Variants in OSBPL10 observed in about 807,000 individuals in gnomAD.
OSBPL10 encodes the protein oxysterol binding protein like 10.
OSBPL10 carries 49 observed loss-of-function variants against 81.7 expected under a neutral mutation model. The observed-to-expected ratio is 0.60, with a 90% confidence interval of 0.48 to 0.76. OSBPL10 has a LOEUF of 0.76. Ranked by LOEUF, OSBPL10 falls within the 30% of genes least tolerant of loss-of-function variation. The pLI is 0.00. For missense variants in OSBPL10, 923 were observed against 987.8 expected (o/e 0.93, Z 0.88); for synonymous variants, 419 against 383.6 (o/e 1.09, Z -1.08).
chr3:32,001,079 G>C (rs936901266), intron 2 of OSBPL10, among the ~76,000 whole-genome samples: 1 of 152,198 alleles, frequency 6.6e-6, no homozygotes, highest in Non-Finnish European at 1.5e-5. Flanking sequence ...TGAGAGATGA[G>C]TGAAGGCATC....
At chr3:31,872,166 A>G (rs1346608113) in intron 3 of OSBPL10, among the ~76,000 whole-genome samples, 1 of 152,212 alleles carries the variant, frequency 6.6e-6, no homozygotes, top group Non-Finnish European at 1.5e-5. Context: ...CCTATGTGAC[A>G]TGGAGAAAAG....
intron 4 of OSBPL10, among the ~76,000 whole-genome samples, chr3:31,769,270 C>T (rs58994026): frequency 0.69 from 103,753 of 150,904 alleles, 36,802 homozygotes; most frequent in East Asian, 0.8. Context: ...TGGAGAAACC[C>T]CGTCTCTACT....
rs57256301 is a variant in OSBPL10 at position 31,930,003 on chromosome 3, C to CAAAAAAAAA, written c.282-50182_282-50174dup. Among the ~76,000 whole-genome samples, 38 of 72,542 alleles carry CAAAAAAAAA rather than the reference C, an allele frequency of 5.2e-4. 4 individuals carry two copies. The highest frequency in any genetic ancestry group is 5.9e-4 in the African/African-American group (11 of 18,742). The allele number at this position is 72,542 out of a possible 152,430, so 47.6% of individuals were successfully genotyped here. A position where few individuals can be genotyped will look rare whatever the true frequency, so the allele number is the denominator to read the frequency against. ...GATCAAGTGAGACCCTGTCACCAAC[C>CAAAAAAAAA]AAAAAAAAAAAAAAAAAAAAAAACA... On this transcript the variant is annotated intron_variant, in intron 1 of 11. Coordinates refer to ENST00000396556, the MANE Select transcript of OSBPL10 (RefSeq NM_017784.5).
At chr3:31,762,630 A>ATTTTTTTTTTT (rs56311731) in intron 4 of OSBPL10, among the ~76,000 whole-genome samples, 1,811 of 61,366 alleles carry the variant, frequency 0.03, 509 homozygotes, top group African/African-American at 0.14. Flanking sequence ...CATGCCCAGC[A>ATTTTTTTTTTT]TTTTTTTTTT....
intron 7 of OSBPL10, among the ~76,000 whole-genome samples, chr3:31,697,978 G>C (rs1173100306): frequency 6.6e-6 from 1 of 151,828 alleles, no homozygotes; most frequent in Non-Finnish European, 1.5e-5. Flanking sequence ...TGGCCAGGCT[G>C]GTCTCGAACT....
intron 2 of OSBPL10, among the ~76,000 whole-genome samples, chr3:32,020,337 A>T (rs1699349497): frequency 1.3e-5 from 2 of 152,150 alleles, no homozygotes; most frequent in Admixed American, 1.3e-4. Context: ...GGTTAGCCTG[A>T]TCTGCTTTCT....
At chr3:31,948,176 T>C (rs1285094364) in intron 1 of OSBPL10, among the ~76,000 whole-genome samples, 8 of 152,066 alleles carry the variant, frequency 5.3e-5, no homozygotes, top group Non-Finnish European at 1.2e-4. Flanking sequence ...CCTGACCCAG[T>C]AAAGGGGATC....
chr3:31,842,885 G>A (rs1201589556), intron 3 of OSBPL10, among the ~76,000 whole-genome samples: 3 of 152,204 alleles, frequency 2.0e-5, no homozygotes, highest in Admixed American at 2.0e-4. Flanking sequence ...GAGCCAGGCT[G>A]AGAATACGTT....
intron 1 of OSBPL10, among the ~76,000 whole-genome samples, chr3:32,055,560 T>C (rs58237698): frequency 0.11 from 17,018 of 152,268 alleles, 955 homozygotes; most frequent in Non-Finnish European, 0.13. Flanking sequence ...CCACTTGATT[T>C]CTCTAAAATT....
chr3:31,765,386 G>A lies in OSBPL10; in HGVS notation c.730-17266C>T, dbSNP rs190382793. 1.5e-4 allele frequency among the ~76,000 whole-genome samples: 23 copies of A among 152,142 alleles called. No homozygotes were observed. The East Asian group carries it at 3.9e-3, about 26-fold the overall frequency. ...TTGTTAATTTCTCTTGCCCTTACCA[G>A]GCTCTCGGTGCCACTTTGTCTCTTC... is the stretch of plus-strand genomic sequence containing the variant. On this transcript the variant is annotated intron_variant, in intron 4 of 11. Transcript: ENST00000396556.
At chr3:31,817,837 A>G (rs1699882035) in intron 4 of OSBPL10, among the ~76,000 whole-genome samples, 2 of 152,204 alleles carry the variant, frequency 1.3e-5, no homozygotes, top group African/African-American at 4.8e-5. Context: ...AGCCACTGCC[A>G]TCAATGCCTG....
chr3:31,763,642 T>C (rs939822012), intron 4 of OSBPL10, among the ~76,000 whole-genome samples: 3 of 152,220 alleles, frequency 2.0e-5, no homozygotes, highest in South Asian at 2.1e-4. Flanking sequence ...AAAACTTAAT[T>C]GCTGTTTTTA....
chr3:31,683,081 C>T (rs1405696804), intron 8 of OSBPL10, among the ~76,000 whole-genome samples: 1 of 152,192 alleles, frequency 6.6e-6, no homozygotes, highest in African/African-American at 2.4e-5. Context: ...TTTCTTCAAA[C>T]AATGAATAAA....
At chr3:31,802,008 A>C (rs1174442312) in intron 4 of OSBPL10, among the ~76,000 whole-genome samples, 2 of 151,494 alleles carry the variant, frequency 1.3e-5, no homozygotes, top group Non-Finnish European at 2.9e-5. Context: ...TTTTTAGTAG[A>C]GATGGGGTTT....
chr3:32,054,447 G>GTA (rs1559555814), intron 1 of OSBPL10, among the ~76,000 whole-genome samples: 2 of 147,268 alleles, frequency 1.4e-5, no homozygotes, highest in Admixed American at 6.8e-5. Flanking sequence ...ATGACTTAGT[G>GTA]TATGTTATTA....
intron 4 of OSBPL10, among the ~76,000 whole-genome samples, chr3:31,762,033 A>C (rs1278726510): frequency 1.3e-5 from 2 of 152,040 alleles, no homozygotes; most frequent in African/African-American, 4.8e-5. Context: ...TTCTCTCCTA[A>C]AAGATCCCAG....
intron 6 of OSBPL10, among the ~76,000 whole-genome samples, chr3:31,723,920 A>G (rs898274802): frequency 3.3e-5 from 5 of 152,214 alleles, no homozygotes; most frequent in Non-Finnish European, 5.9e-5. Context: ...AGCCAGGCAG[A>G]TGGTGAAAAG....
upstream of OSBPL10, among the ~76,000 whole-genome samples, chr3:31,984,895 G>A (rs12631369): frequency 0.084 from 12,722 of 152,226 alleles, 1,061 homozygotes; most frequent in East Asian, 0.47. Context: ...CAGCTATGTC[G>A]AATTTTTTTT....
Position 32,060,969 on chromosome 3 carries a change from G to T in OSBPL10, n.186-14366C>A, listed in dbSNP as rs1426178310. Among the ~76,000 whole-genome samples the T allele has an allele frequency of 1.2e-4, 4 of 33,292 alleles. 2 individuals carry two copies. The highest frequency in any genetic ancestry group is 3.9e-4 in the Non-Finnish European group (4 of 10,180). 21.8% of individuals were successfully genotyped at this position (33,292 alleles called of 152,430 possible). A position where few individuals can be genotyped will look rare whatever the true frequency, so the allele number is the denominator to read the frequency against. On this transcript the variant is annotated intron_variant and non_coding_transcript_variant, in intron 1 of 3. Coordinates refer to the OSBPL10 transcript ENST00000479173. ...GCCTGGGCAACAAGAGCAAAACTCC[G>T]CCTCAAAAAAAAAAAAAAAACCCTC... is the stretch of plus-strand genomic sequence containing the variant.
Sources: allele counts gnomAD v4.1 joint callset (sites outside exome capture counted in the v4.1 genomes callset), GRCh38; gene constraint gnomAD v4.1.1; transcripts MANE v1.5; gene names NCBI Gene and HGNC (gene_info 2026-07-23, HGNC 2026-07-21).